SCARB1: variants seen among roughly 807,000 people sequenced by gnomAD.
The protein encoded by SCARB1 is scavenger receptor class B member 1.
Under a neutral mutation model 57.2 loss-of-function variants are expected in SCARB1, and 30 were observed. That is an observed-to-expected ratio of 0.52 (90% confidence interval 0.39 to 0.71). SCARB1 has a LOEUF of 0.71. SCARB1 is among the 30% of genes least tolerant of loss of function. The pLI, the probability that SCARB1 is intolerant of heterozygous loss-of-function variation, is 0.00. For synonymous variants in SCARB1, 249 were observed against 268.3 expected (o/e 0.93, Z 0.70); for missense variants, 543 against 671.2 (o/e 0.81, Z 2.11).
intron 6 of SCARB1, among the ~76,000 whole-genome samples, chr12:124,809,071 T>G (rs893375642): frequency 6.6e-6 from 1 of 152,158 alleles, no homozygotes; most frequent in African/African-American, 2.4e-5. Flanking sequence ...ATAACAGCAT[T>G]ATGGTTATGT....
In SCARB1 at chr12:124,817,741, G is replaced by C; in HGVS notation, c.127-34C>G. Reference sequence around the variant, plus strand: ...GAAGGGACAAGTACGCTTGTGAGGAGAGTGATGAGGGCCCCACGCCCCACC... The same window carrying C: ...GAAGGGACAAGTACGCTTGTGAGGACAGTGATGAGGGCCCCACGCCCCACC... On this transcript the variant is annotated intron_variant, in intron 1 of 12. Transcript: ENST00000261693. The surrounding 1 kb of genome is among the most constrained non-coding windows in gnomAD (Gnocchi z 4.8). 6.2e-7 allele frequency: 1 copy of C among 1,612,686 alleles called. No homozygotes were observed. Among genetic ancestry groups the C allele is most frequent in the Non-Finnish European group, 8.5e-7 (1 of 1,178,864 alleles).
intron 9 of SCARB1, among the ~76,000 whole-genome samples, chr12:124,794,324 A>G (rs1566148474): frequency 6.6e-6 from 1 of 151,526 alleles, no homozygotes; most frequent in African/African-American, 2.4e-5. Flanking sequence ...GGTGAGTTTT[A>G]TGGTACATGC....
chr12:124,779,148 T>A (rs968746717), intron 12 of SCARB1, among the ~76,000 whole-genome samples: 1 of 151,980 alleles, frequency 6.6e-6, no homozygotes, highest in Non-Finnish European at 1.5e-5. Context: ...AGATCAGGTC[T>A]ATGTTGCCCA....
At chr12:124,845,088 G>C (rs890946471) in intron 1 of SCARB1, among the ~76,000 whole-genome samples, 1 of 152,074 alleles carries the variant, frequency 6.6e-6, no homozygotes, top group Non-Finnish European at 1.5e-5. Flanking sequence ...ATGGGCGCAG[G>C]GGCAGGGCGG....
At chr12:124,833,006 C>G (rs1951471443) in intron 1 of SCARB1, among the ~76,000 whole-genome samples, 1 of 151,894 alleles carries the variant, frequency 6.6e-6, no homozygotes, top group African/African-American at 2.4e-5. Context: ...GAATCCATTG[C>G]CTTCCGTTTC....
Position 124,789,512 on chromosome 12 carries a change from G to A in SCARB1, c.1203-2055C>T, listed in dbSNP as rs1949646823. Among the ~76,000 whole-genome samples, 1 of 152,090 alleles carries A rather than the reference G, an allele frequency of 6.6e-6. No homozygotes were observed. Among genetic ancestry groups the A allele is most frequent in the Non-Finnish European group, 1.5e-5 (1 of 68,008 alleles). On this transcript the variant is annotated intron_variant, in intron 9 of 12. Transcript: ENST00000261693. The surrounding 1 kb of genome is among the most constrained non-coding windows in gnomAD (Gnocchi z 4.4). The stretch of plus-strand genomic sequence containing the variant: ...GCTCTCAGATGGGGAGAGCGTCCTG[G>A]AATATCTAGGTGGGTCCATGCAGAT...
intron 9 of SCARB1, among the ~76,000 whole-genome samples, chr12:124,787,773 A>C (rs914527042): frequency 1.3e-5 from 2 of 151,768 alleles, no homozygotes; most frequent in African/African-American, 2.4e-5. Context: ...TTGACATCAC[A>C]CAGCTTTGAA....
At position 124,806,300 on chromosome 12, in the gene SCARB1, G is replaced by A. The variant is rs1452435391; in HGVS notation, c.1009+1461C>T. On this transcript the variant is annotated intron_variant, in intron 7 of 12. Transcript: ENST00000261693. Reference sequence around the variant, plus strand: ...TTGACGCACTGGAAGAGCTGGGTGAGGACAGGGAAACAAACTGACGCCCGA... The same window carrying A: ...TTGACGCACTGGAAGAGCTGGGTGAAGACAGGGAAACAAACTGACGCCCGA... Among the ~76,000 whole-genome samples the A allele has an allele frequency of 3.3e-5, 5 of 152,118 alleles. No homozygotes were observed. The East Asian group carries it at 9.6e-4, about 29-fold the overall frequency.
At chr12:124,804,452 T>C (rs1171079758) in intron 7 of SCARB1, among the ~76,000 whole-genome samples, 3 of 152,244 alleles carry the variant, frequency 2.0e-5, no homozygotes, top group Non-Finnish European at 4.4e-5. Flanking sequence ...CTGGAATTTT[T>C]CATTACGCAA....
Position 124,788,791 on chromosome 12 carries a change from C to T in SCARB1, c.1203-1334G>A, listed in dbSNP as rs114118167. On this transcript the variant is annotated intron_variant, in intron 9 of 12. Transcript: ENST00000261693. The stretch of plus-strand genomic sequence containing the variant: ...AATATACCTCACGACCCAGCAATTA[C>T]GCTCTTCAGAAACTGCCCTAGAGAT... Among the ~76,000 whole-genome samples the T allele has an allele frequency of 8.0e-3, 1,221 of 152,318 alleles. 15 individuals carry two copies. The highest frequency in any genetic ancestry group is 0.027 in the African/African-American group (1,116 of 41,552).
intron 1 of SCARB1, among the ~76,000 whole-genome samples, chr12:124,833,471 A>G (rs1951505207): frequency 6.6e-6 from 1 of 152,094 alleles, no homozygotes. Context: ...TACAGGTGTG[A>G]GCCATCATGC....
At chr12:124,821,477 A>C (rs1950955300) in intron 1 of SCARB1, 5 of 595,028 alleles carry the variant, frequency 8.4e-6, no homozygotes, top group African/African-American at 7.9e-5. Flanking sequence ...CCATGTCTCA[A>C]TCTCTCTCTC....
intron 1 of SCARB1, among the ~76,000 whole-genome samples, chr12:124,856,902 G>C (rs1227979648): frequency 6.6e-6 from 1 of 152,214 alleles, no homozygotes; most frequent in South Asian, 2.1e-4. Flanking sequence ...CATGTCCCTG[G>C]TCTCAGACTA....
intron 2 of SCARB1, among the ~76,000 whole-genome samples, chr12:124,816,321 G>C (rs1230538435): frequency 6.6e-6 from 1 of 152,216 alleles, no homozygotes; most frequent in East Asian, 1.9e-4. Flanking sequence ...CAGCACACAG[G>C]AGGTGCTCAG....
At chr12:124,833,625 G>A (rs781112856) in intron 1 of SCARB1, among the ~76,000 whole-genome samples, 4 of 152,092 alleles carry the variant, frequency 2.6e-5, no homozygotes, top group South Asian at 4.2e-4. Flanking sequence ...AGACCCCAGA[G>A]CATCCTCCCA....
At chr12:124,843,292 G>A (rs971861354) in intron 1 of SCARB1, among the ~76,000 whole-genome samples, 7 of 119,072 alleles carry the variant, frequency 5.9e-5, no homozygotes, top group Non-Finnish European at 1.4e-4. Context: ...TGTGGAGATG[G>A]GGGGGGGGGT....
chr12:124,811,834 C>A lies in SCARB1; in HGVS notation c.726+36G>T, dbSNP rs1034942905. ...CATGGCCGGGCCCACCCTCCCCTCT[C>A]CCTGGCGACAGGGGCCCTCGCCTCT... On this transcript the variant is annotated intron_variant, in intron 5 of 12. Transcript: ENST00000261693. The A allele has an allele frequency of 3.3e-6, 5 of 1,495,836 alleles. No individual in the cohort carries two copies. In the East Asian group the frequency reaches 9.4e-5, roughly 28 times the overall value. The allele number at this position is 1,495,836 out of a possible 1,614,324, so 92.7% of individuals were successfully genotyped here. A position where few individuals can be genotyped will look rare whatever the true frequency, so the allele number is the denominator to read the frequency against.
chr12:124,789,027 C>T lies in SCARB1; in HGVS notation c.1203-1570G>A, dbSNP rs1949628637. Among the ~76,000 whole-genome samples the T allele has an allele frequency of 6.6e-6, 1 of 152,166 alleles. No homozygotes were observed. Among genetic ancestry groups the T allele is most frequent in the African/African-American group, 2.4e-5 (1 of 41,416 alleles). ...TCACAGGAAACCATATTCTTCCCCT[C>T]AGGAAGATATGTTCTTATTACCTGT... On this transcript the variant is annotated intron_variant, in intron 9 of 12. Coordinates refer to ENST00000261693, the MANE Select transcript of SCARB1 (RefSeq NM_005505.5). This position sits in a 1 kb window ranked among gnomAD's most constrained non-coding sequence, Gnocchi z 4.4.
chr12:124,832,752 ATATTTTAT>A (rs1423816493), intron 1 of SCARB1, among the ~76,000 whole-genome samples: 1 of 152,236 alleles, frequency 6.6e-6, no homozygotes. Context: ...TTAAGTTTAA[ATATTTTAT>A]TTAAGCCCAC....
Sources: allele counts gnomAD v4.1 joint callset (sites outside exome capture counted in the v4.1 genomes callset), GRCh38; gene constraint gnomAD v4.1.1; non-coding constraint Gnocchi (gnomAD v3.1); transcripts MANE v1.5; gene names NCBI Gene and HGNC (gene_info 2026-07-23, HGNC 2026-07-21).